The following GEMIN8 variants were observed in gnomAD, a reference collection of about 807,000 sequenced individuals.
GEMIN8 encodes the protein gem nuclear organelle associated protein 8.
For synonymous variants in GEMIN8, 80 were observed against 78.5 expected (o/e 1.02, Z -0.10); for missense variants, 185 against 205.9 (o/e 0.90, Z 0.62).
chrX:14,012,086 T>C (rs979199852), intron 4 of GEMIN8, among the ~76,000 whole-genome samples: 1 of 110,360 alleles, frequency 9.1e-6, no homozygotes, highest in Non-Finnish European at 1.9e-5. Flanking sequence ...GCCCTCTGCT[T>C]TTGATTCTTA....
At chrX:14,027,966 G>A (rs1378550800) in intron 1 of GEMIN8, among the ~76,000 whole-genome samples, 2 of 112,521 alleles carry the variant, frequency 1.8e-5, no homozygotes, top group Non-Finnish European at 3.8e-5. Flanking sequence ...GGTAATAAGG[G>A]TTGAATAGGC....
At chrX:14,014,265 C>T in intron 4 of GEMIN8, 6 of 753,625 alleles carry the variant, frequency 8.0e-6, no homozygotes, top group Non-Finnish European at 9.4e-6. Context: ...CGAGGGAAAG[C>T]ACAAACTTGA....
chrX:14,018,075 G>T (rs1162484853), intron 4 of GEMIN8, among the ~76,000 whole-genome samples: 1 of 112,462 alleles, frequency 8.9e-6, no homozygotes, highest in Non-Finnish European at 1.9e-5. Flanking sequence ...CACTCTATGG[G>T]TAAGATTTGC....
At chrX:13,984,897 C>T in the GEMIN8 span, among the ~76,000 whole-genome samples, 3 of 111,745 alleles carry the variant, frequency 2.7e-5, no homozygotes, top group African/African-American at 9.8e-5. Context: ...TATTTACCAA[C>T]TTGGGTCAGT....
chrX:14,013,887 A>G, intron 4 of GEMIN8: 1 of 641,903 alleles, frequency 1.6e-6, no homozygotes, highest in Non-Finnish European at 1.9e-6. Flanking sequence ...TAAAACAAGA[A>G]CAATAGGCAT....
chrX:14,001,094 C>T, the GEMIN8 span, among the ~76,000 whole-genome samples: 2 of 111,915 alleles, frequency 1.8e-5, no homozygotes. Context: ...AAATTTACTA[C>T]GAAATTTTCA....
chrX:14,007,155 A>C lies in GEMIN8; in HGVS notation c.*1758T>G, dbSNP rs1923206390. On this transcript the variant is annotated 3_prime_UTR_variant, in exon 5 of 5. Coordinates refer to ENST00000680255, the MANE Select transcript of GEMIN8 (RefSeq NM_001042479.2). ...TTTTTGTCGGCAACACCTACACACAAATTGTGACTCCAGTAATAAAATGAG... is the reference window on the plus strand; with the variant it reads ...TTTTTGTCGGCAACACCTACACACACATTGTGACTCCAGTAATAAAATGAG... Among the ~76,000 whole-genome samples, 1 of 112,333 alleles carries C rather than the reference A, an allele frequency of 8.9e-6. No homozygotes were observed. The highest frequency in any genetic ancestry group is 3.2e-5 in the African/African-American group (1 of 30,930).
chrX:14,004,558 C>G (rs1259780541), downstream of GEMIN8, among the ~76,000 whole-genome samples: 1 of 112,269 alleles, frequency 8.9e-6, no homozygotes, highest in African/African-American at 3.2e-5. Context: ...CCTTGCCACA[C>G]TTGGCATTTT....
chrX:13,999,231 T>C, the GEMIN8 span, among the ~76,000 whole-genome samples: 126 of 110,614 alleles, frequency 1.1e-3, no homozygotes, highest in African/African-American at 3.6e-3. Context: ...AAATTTACAT[T>C]GGCATATTCC....
the GEMIN8 span, among the ~76,000 whole-genome samples, chrX:13,996,380 A>G: frequency 8.9e-6 from 1 of 112,262 alleles, no homozygotes; most frequent in African/African-American, 3.2e-5. Context: ...TTACAAAAGA[A>G]AGAGATTTAA....
chrX:14,016,702 G>A (rs1415581795), intron 4 of GEMIN8, among the ~76,000 whole-genome samples: 1 of 105,445 alleles, frequency 9.5e-6, no homozygotes, highest in Non-Finnish European at 1.9e-5. Context: ...AAAATTAGCT[G>A]GGTGTGGTGG....
the GEMIN8 span, among the ~76,000 whole-genome samples, chrX:13,990,727 T>C: frequency 8.9e-6 from 1 of 112,712 alleles, no homozygotes. Flanking sequence ...TGTATACTCT[T>C]CTGCACTTTG....
chrX:13,996,274 T>C, the GEMIN8 span, among the ~76,000 whole-genome samples: 3 of 101,023 alleles, frequency 3.0e-5, no homozygotes, highest in East Asian at 5.6e-4. Context: ...TCCTTCCAAC[T>C]CTGTGATTCT....
intron 4 of GEMIN8, chrX:14,014,014 G>A (rs1291500491): frequency 2.7e-6 from 2 of 730,074 alleles, no homozygotes; most frequent in East Asian, 3.1e-4. Context: ...TCACGTAATA[G>A]TCCATAAAGG....
At chrX:13,996,649 T>A in the GEMIN8 span, among the ~76,000 whole-genome samples, 1 of 111,774 alleles carries the variant, frequency 8.9e-6, no homozygotes, top group East Asian at 2.8e-4. Flanking sequence ...AGAAATAGAA[T>A]CTTAATCCTA....
the GEMIN8 span, among the ~76,000 whole-genome samples, chrX:14,001,138 C>T: frequency 4.5e-5 from 5 of 112,031 alleles, no homozygotes; most frequent in African/African-American, 1.6e-4. Flanking sequence ...TAGCATACTG[C>T]ATCTCCACGT....
chrX:13,994,495 A>T, the GEMIN8 span, among the ~76,000 whole-genome samples: 1 of 112,617 alleles, frequency 8.9e-6, no homozygotes, highest in Non-Finnish European at 1.9e-5. Context: ...AAAATTTTTT[A>T]CTACATAATG....
chrX:13,999,592 T>C, the GEMIN8 span, among the ~76,000 whole-genome samples: 1 of 111,671 alleles, frequency 9.0e-6, no homozygotes, highest in Non-Finnish European at 1.9e-5. Context: ...ATCTAGATTT[T>C]ACCAGATTTT....
chrX:13,987,885 C>T, the GEMIN8 span, among the ~76,000 whole-genome samples: 5 of 111,956 alleles, frequency 4.5e-5, no homozygotes, highest in Middle Eastern at 9.2e-3. Context: ...TCTTGGCTTC[C>T]CCCTTAGTTA....
Sources: allele counts gnomAD v4.1 joint callset (sites outside exome capture counted in the v4.1 genomes callset), GRCh38; gene constraint gnomAD v4.1.1; transcripts MANE v1.5; gene names NCBI Gene and HGNC (gene_info 2026-07-23, HGNC 2026-07-21).